The following PXDNL variants were observed in gnomAD, a reference collection of about 807,000 sequenced individuals.
PXDNL encodes peroxidasin like, also known as probable oxidoreductase PXDNL.
In PXDNL, 145 loss-of-function variants were observed where a neutral mutation model predicts 150.8. The observed-to-expected ratio is 0.96, with a 90% CI of 0.84 to 1.10. The LOEUF (loss-of-function observed/expected upper bound fraction) is 1.10, where lower values mean the gene tolerates loss of function less well. Ranked by LOEUF, PXDNL falls within the 50% of genes least tolerant of loss-of-function variation. PXDNL has a pLI of 0.00. For missense variants in PXDNL, 2,087 were observed against 1,873.9 expected, an observed-to-expected ratio of 1.11 and a Z score of -2.10; for synonymous variants, 757 against 725.7, an observed-to-expected ratio of 1.04 and a Z score of -0.69.
At position 51,409,596 on chromosome 8, in the gene PXDNL, G is replaced by T. The variant is rs749029852; in HGVS notation, c.2063-35C>A. ...AAGCGGCGAAAGCCGTGAGGAGGGC[G>T]GGCCTGGGAGGGCGCGGGCAACTTG... On this transcript the variant is annotated intron_variant, in intron 16 of 22. Coordinates refer to ENST00000356297, the MANE Select transcript of PXDNL (RefSeq NM_144651.5). 6.0e-6 allele frequency: 9 copies of T among 1,501,154 alleles called. No homozygotes were observed. In the African/African-American group the frequency reaches 1.1e-4, roughly 19 times the overall value. The allele number at this position is 1,501,154 out of a possible 1,614,324, so 93.0% of individuals were successfully genotyped here.
At chr8:51,769,576 T>G (rs1312524911) in intron 1 of PXDNL, among the ~76,000 whole-genome samples, 1 of 151,304 alleles carries the variant, frequency 6.6e-6, no homozygotes, top group Admixed American at 6.6e-5. Flanking sequence ...TGATGCCCTT[T>G]TTTCCTGTGA....
chr8:51,514,694 C>T (rs143075570), intron 4 of PXDNL, among the ~76,000 whole-genome samples: 16 of 152,222 alleles, frequency 1.1e-4, no homozygotes, highest in African/African-American at 3.6e-4. Flanking sequence ...TATGTCCATG[C>T]CCACATCCAC....
chr8:51,749,738 G>A (rs1188946300), intron 1 of PXDNL, among the ~76,000 whole-genome samples: 1 of 152,092 alleles, frequency 6.6e-6, no homozygotes, highest in Non-Finnish European at 1.5e-5. Context: ...GTCTTACTCT[G>A]TTACCAGGCT....
chr8:51,499,704 C>T lies in PXDNL; in HGVS notation c.447G>A (p.Glu149=), dbSNP rs777229414. ...PETFGDLLRL[E]RLFLHNNKLS... is the part of the protein sequence containing the mutation. ...TCTAAAGGGTCAACACTTACAGTCG[C>T]TCTAATCTCAGAAGGTCTCCAAAGG... Residue 149 remains glutamate (E), a synonymous_variant, in exon 5 of 23, where the codon GAG becomes GAA. Coordinates refer to ENST00000356297, the MANE Select transcript of PXDNL (RefSeq NM_144651.5). 3.1e-6 allele frequency: 5 copies of T among 1,611,176 alleles called. No individual in the cohort carries two copies. Among genetic ancestry groups the T allele is most frequent in the Non-Finnish European group, 4.2e-6 (5 of 1,177,378 alleles).
chr8:51,641,153 T>C (rs1188844505), intron 2 of PXDNL, among the ~76,000 whole-genome samples: 2 of 150,870 alleles, frequency 1.3e-5, no homozygotes, highest in African/African-American at 4.9e-5. Flanking sequence ...GCTAGCCATA[T>C]GTAGAAAGCT....
intron 17 of PXDNL, among the ~76,000 whole-genome samples, chr8:51,387,557 GT>G (rs1182950703): frequency 2.6e-5 from 4 of 152,124 alleles, no homozygotes; most frequent in African/African-American, 9.7e-5. Context: ...ATTTTTGCCG[GT>G]TCTAAGCCAG....
intron 8 of PXDNL, among the ~76,000 whole-genome samples, chr8:51,471,139 C>CAAAAAAAAAAAAAAAAAAAA (rs5891416): frequency 8.8e-6 from 1 of 113,020 alleles, no homozygotes; most frequent in Non-Finnish European, 1.8e-5. Context: ...AACAAATTTA[C>CAAAAAAAAAAAAAAAAAAAA]AAAAAAAAAA....
chr8:51,754,235 T>C (rs1402748648), intron 1 of PXDNL, among the ~76,000 whole-genome samples: 4 of 152,156 alleles, frequency 2.6e-5, no homozygotes, highest in African/African-American at 9.7e-5. Context: ...ACTAATCTCT[T>C]AAAAATGTAG....
At chr8:51,463,867 A>G (rs988862993) in intron 8 of PXDNL, among the ~76,000 whole-genome samples, 1 of 152,190 alleles carries the variant, frequency 6.6e-6, no homozygotes, top group Non-Finnish European at 1.5e-5. Context: ...CAAAATTAAA[A>G]CAAATCAAAA....
chr8:51,642,488 A>G (rs1282798075), intron 2 of PXDNL, among the ~76,000 whole-genome samples: 1 of 152,238 alleles, frequency 6.6e-6, no homozygotes, highest in Non-Finnish European at 1.5e-5. Context: ...ACAAAATTCA[A>G]CAGCCCTTCA....
chr8:51,734,759 G>A (rs188756313), intron 1 of PXDNL, among the ~76,000 whole-genome samples: 71 of 152,304 alleles, frequency 4.7e-4, no homozygotes, highest in Non-Finnish European at 8.5e-4. Context: ...ACAGTGTTAA[G>A]TCAAGCATGC....
intron 4 of PXDNL, among the ~76,000 whole-genome samples, chr8:51,525,092 C>A (rs1462304134): frequency 6.6e-6 from 1 of 151,724 alleles, no homozygotes; most frequent in Non-Finnish European, 1.5e-5. Flanking sequence ...TTAAAAATTG[C>A]TAGCTAAGTT....
intron 1 of PXDNL, among the ~76,000 whole-genome samples, chr8:51,729,152 A>C (rs577450499): frequency 1.3e-5 from 2 of 152,334 alleles, no homozygotes; most frequent in African/African-American, 2.4e-5. Context: ...CCCATTGTTA[A>C]GTAACACATA....
intron 20 of PXDNL, among the ~76,000 whole-genome samples, chr8:51,343,737 T>C (rs1806060117): frequency 1.3e-5 from 2 of 152,152 alleles, no homozygotes; most frequent in African/African-American, 4.8e-5. Context: ...CACCATCTTA[T>C]AAAACAAGGG....
intron 2 of PXDNL, among the ~76,000 whole-genome samples, chr8:51,600,119 A>G (rs1426014402): frequency 7.6e-5 from 11 of 145,514 alleles, no homozygotes. Flanking sequence ...TATAAATTAT[A>G]TCGTTTAGAT....
chr8:51,785,292 T>G (rs959622099), intron 1 of PXDNL, among the ~76,000 whole-genome samples: 4 of 152,174 alleles, frequency 2.6e-5, no homozygotes. Context: ...CATTAGATAA[T>G]GCCTGAGGAC....
At chr8:51,529,137 C>T (rs949109658) in intron 4 of PXDNL, among the ~76,000 whole-genome samples, 1 of 152,166 alleles carries the variant, frequency 6.6e-6, no homozygotes. Flanking sequence ...ACGTCAATCA[C>T]ATCCCAGTTG....
rs539205861 is a variant in PXDNL at position 51,541,315 on chromosome 8, T to C, written c.380+15525A>G. ...ACACAGTTACATTTCTTGGGATCGG[T>C]TTGATCCTTTCAGGTTTACTTTTGT... On this transcript the variant is annotated intron_variant, in intron 4 of 22. Coordinates refer to ENST00000356297, the MANE Select transcript of PXDNL (RefSeq NM_144651.5). Among the ~76,000 whole-genome samples the C allele has an allele frequency of 2.6e-5, 4 of 152,082 alleles. No homozygotes were observed. In the East Asian group the frequency reaches 7.7e-4, roughly 29 times the overall value.
chr8:51,365,216 G>A (rs890547754), intron 19 of PXDNL, among the ~76,000 whole-genome samples: 6 of 152,182 alleles, frequency 3.9e-5, no homozygotes, highest in Non-Finnish European at 7.3e-5. Context: ...GGGATTACAG[G>A]CTTGAGCCAC....
Sources: allele counts gnomAD v4.1 joint callset (sites outside exome capture counted in the v4.1 genomes callset), GRCh38; gene constraint gnomAD v4.1.1; transcripts MANE v1.5; gene names NCBI Gene and HGNC (gene_info 2026-07-23, HGNC 2026-07-21).